Variants in ZNF704 observed in about 807,000 individuals in gnomAD.
ZNF704 encodes glucocorticoid induced gene 1.
Under a neutral mutation model 44.7 loss-of-function variants are expected in ZNF704, and 10 were observed. The ratio of observed to expected loss-of-function variants is 0.22; its 90% CI spans 0.14 to 0.38. The LOEUF (loss-of-function observed/expected upper bound fraction) is 0.38, where lower values mean the gene tolerates loss of function less well. ZNF704 is among the 10% of genes least tolerant of loss of function. The pLI is 1.00. For synonymous variants in ZNF704, 211 were observed against 207.6 expected, an observed-to-expected ratio of 1.02 and a Z score of -0.14; for missense variants, 390 against 545.5, an observed-to-expected ratio of 0.71 and a Z score of 2.84.
chr8:80,695,825 T>C (rs1373401099), intron 2 of ZNF704, among the ~76,000 whole-genome samples: 2 of 152,350 alleles, frequency 1.3e-5, no homozygotes, highest in Non-Finnish European at 2.9e-5. Flanking sequence ...GAATAATTAG[T>C]ATAATCAGAG....
intron 2 of ZNF704, among the ~76,000 whole-genome samples, chr8:80,745,984 G>A (rs551432526): frequency 7.4e-4 from 113 of 152,212 alleles, no homozygotes; most frequent in African/African-American, 2.6e-3. Context: ...GGGACAGCTC[G>A]GACTTTCTCA....
At chr8:80,674,361 T>G (rs1028606831) in intron 4 of ZNF704, among the ~76,000 whole-genome samples, 18 of 152,166 alleles carry the variant, frequency 1.2e-4, no homozygotes, top group African/African-American at 3.9e-4. Context: ...AAAGAATACC[T>G]GATGCTGGGT....
At chr8:80,881,751 A>T in the ZNF704 span, among the ~76,000 whole-genome samples, 1 of 152,150 alleles carries the variant, frequency 6.6e-6, no homozygotes, top group Non-Finnish European at 1.5e-5. Flanking sequence ...AACAAGGCAA[A>T]ATCCCATCTC....
intron 2 of ZNF704, among the ~76,000 whole-genome samples, chr8:80,696,776 C>G (rs540080965): frequency 6.6e-6 from 1 of 152,158 alleles, no homozygotes; most frequent in Non-Finnish European, 1.5e-5. Context: ...GGGGATGGGA[C>G]GCAAGCCTAA....
chr8:80,648,447 G>C (rs1817865908), intron 7 of ZNF704, among the ~76,000 whole-genome samples: 1 of 152,306 alleles, frequency 6.6e-6, no homozygotes, highest in Admixed American at 6.5e-5. Flanking sequence ...TCTTATTTTA[G>C]TTGAGGATGA....
chr8:80,864,784 G>A (rs1316309418), intron 1 of ZNF704, among the ~76,000 whole-genome samples: 3 of 152,202 alleles, frequency 2.0e-5, no homozygotes, highest in Non-Finnish European at 4.4e-5. Flanking sequence ...CCAGCCACAT[G>A]CAAATTAGAG....
At position 80,682,457 on chromosome 8, in the gene ZNF704, C is replaced by T. The variant is rs186633055; in HGVS notation, c.558+4769G>A. On this transcript the variant is annotated intron_variant, in intron 4 of 8. Coordinates refer to ENST00000327835, the MANE Select transcript of ZNF704 (RefSeq NM_001033723.3). Reference sequence around the variant, plus strand: ...TTTAGAAATTGCCTCTGAGATGCTGCCAATGTTCTGAAATGCAGAGTCCTG... The same window carrying T: ...TTTAGAAATTGCCTCTGAGATGCTGTCAATGTTCTGAAATGCAGAGTCCTG... Among the ~76,000 whole-genome samples, 5 of 152,328 alleles carry T rather than the reference C, an allele frequency of 3.3e-5. No homozygotes were observed. The East Asian group carries it at 7.7e-4, about 23-fold the overall frequency.
intron 7 of ZNF704, among the ~76,000 whole-genome samples, chr8:80,647,035 C>A (rs111306774): frequency 6.6e-6 from 1 of 152,180 alleles, no homozygotes; most frequent in Non-Finnish European, 1.5e-5. Flanking sequence ...TTATTGGATA[C>A]TCTTCATTCA....
intron 2 of ZNF704, among the ~76,000 whole-genome samples, chr8:80,740,846 A>T (rs1395483391): frequency 1.3e-5 from 2 of 152,246 alleles, no homozygotes; most frequent in African/African-American, 4.8e-5. Flanking sequence ...GACTTTAGCC[A>T]GTTCTCATAC....
intron 2 of ZNF704, among the ~76,000 whole-genome samples, chr8:80,794,595 C>G (rs950681492): frequency 1.3e-5 from 2 of 152,138 alleles, no homozygotes; most frequent in Non-Finnish European, 2.9e-5. Context: ...CTAACTTATT[C>G]TCAGGAAAAA....
At chr8:80,661,714 C>A (rs1279291970) in intron 6 of ZNF704, among the ~76,000 whole-genome samples, 1 of 152,130 alleles carries the variant, frequency 6.6e-6, no homozygotes, top group Non-Finnish European at 1.5e-5. Context: ...CACATGTTCT[C>A]ACTCATATGT....
At chr8:80,861,812 T>C (rs1809065894) in intron 1 of ZNF704, among the ~76,000 whole-genome samples, 1 of 151,586 alleles carries the variant, frequency 6.6e-6, no homozygotes. Flanking sequence ...ACGTCTCCAT[T>C]TGGAGGTCTA....
intron 2 of ZNF704, among the ~76,000 whole-genome samples, chr8:80,701,456 C>T (rs1348871466): frequency 6.6e-6 from 1 of 151,976 alleles, no homozygotes; most frequent in East Asian, 1.9e-4. Flanking sequence ...CTTCTTGCTT[C>T]AGTCTCGCAG....
chr8:80,850,518 C>T (rs1253838892), intron 1 of ZNF704, among the ~76,000 whole-genome samples: 1 of 152,102 alleles, frequency 6.6e-6, no homozygotes, highest in Non-Finnish European at 1.5e-5. Flanking sequence ...AGGCTCCACC[C>T]CAGCCATCAT....
intron 2 of ZNF704, among the ~76,000 whole-genome samples, chr8:80,784,268 T>C (rs1248520735): frequency 1.3e-5 from 2 of 152,210 alleles, no homozygotes; most frequent in Non-Finnish European, 1.5e-5. Flanking sequence ...TTTTAATTCA[T>C]CTGGATAAAC....
rs139174169 is a variant in ZNF704, at chr8:80,664,599, G to A, written c.927+216C>T. Among the ~76,000 whole-genome samples, 13 of 152,264 alleles carry A rather than the reference G, an allele frequency of 8.5e-5. No individual in the cohort carries two copies. In the East Asian group the frequency reaches 1.5e-3, roughly 18 times the overall value. On this transcript the variant is annotated intron_variant, in intron 6 of 8. Transcript: ENST00000327835. ...TTTTTATCATCATAACAATCTCTAC[G>A]GGATCGAATCCACAGGCAGCATTGG...
chr8:80,729,034 C>T (rs189682167), intron 2 of ZNF704, among the ~76,000 whole-genome samples: 1 of 152,238 alleles, frequency 6.6e-6, no homozygotes, highest in East Asian at 1.9e-4. Context: ...ACGGAATACA[C>T]CTGCAGTTTT....
chr8:80,778,712 T>C (rs1034116808), intron 2 of ZNF704, among the ~76,000 whole-genome samples: 13 of 152,340 alleles, frequency 8.5e-5, no homozygotes, highest in Admixed American at 4.6e-4. Flanking sequence ...TGCAGGATCA[T>C]GGATGGAGCT....
At position 80,797,813 on chromosome 8, in the gene ZNF704, T is replaced by C. The variant is rs187985397; in HGVS notation, c.221+23561A>G. On this transcript the variant is annotated intron_variant, in intron 2 of 8. Transcript: ENST00000327835. ...TCTGTACTGATCTCCTCAGTAAAGG[T>C]CACTGAAAAAAAAAGCACGTTCTCC... Among the ~76,000 whole-genome samples the C allele has an allele frequency of 1.5e-3, 226 of 152,204 alleles. 1 individual carries two copies. Among genetic ancestry groups the C allele is most frequent in the African/African-American group, 5.2e-3 (218 of 41,540 alleles).
Sources: gnomAD v4.1 joint callset for allele counts (sites outside exome capture counted in the v4.1 genomes callset) on GRCh38, gnomAD v4.1.1 for gene constraint, MANE v1.5 for transcripts, NCBI Gene and HGNC (gene_info 2026-07-23, HGNC 2026-07-21) for gene names.